GRM7: variants seen among roughly 807,000 people sequenced by gnomAD.
GRM7 encodes glutamate metabotropic receptor 7.
A neutral mutation model predicts 84.5 loss-of-function variants in GRM7; 35 were observed. The ratio of observed to expected loss-of-function variants is 0.41; its 90% confidence interval spans 0.32 to 0.55. GRM7 has a LOEUF of 0.55. Ranked by LOEUF, GRM7 falls within the 20% of genes least tolerant of loss-of-function variation. The probability of loss-of-function intolerance (pLI) is 0.19; values close to 1 mark genes in which losing one functional copy is unlikely to be tolerated. For synonymous variants in GRM7, 487 were observed against 455.1 expected (o/e 1.07, Z -0.89); for missense variants, 1,003 against 1,194.6 (o/e 0.84, Z 2.36).
chr3:7,523,981 A>G (rs1012064011), intron 7 of GRM7, among the ~76,000 whole-genome samples: 1 of 152,224 alleles, frequency 6.6e-6, no homozygotes, highest in Admixed American at 6.6e-5. Flanking sequence ...AAAAGCATCA[A>G]AAAGCCCCTC....
intron 8 of GRM7, among the ~76,000 whole-genome samples, chr3:7,613,333 G>T (rs1393081187): frequency 2.0e-5 from 3 of 152,138 alleles, no homozygotes; most frequent in African/African-American, 4.8e-5. Flanking sequence ...CAAAATTCCA[G>T]CCCTAACGTA....
Position 7,740,500 on chromosome 3 carries a change from A to C in GRM7, c.*94A>C. On this transcript the variant is annotated 3_prime_UTR_variant, in exon 10 of 10. Coordinates refer to ENST00000357716, the MANE Select transcript of GRM7 (RefSeq NM_000844.4). ...GACTCTTTGGTCCTACCCGCTTCCC[A>C]TCACCGGAGGAGCTTCCCCGGCCGG... The C allele has an allele frequency of 1.5e-6, 1 of 672,184 alleles. No homozygotes were observed. 41.6% of individuals were successfully genotyped at this position (672,184 alleles called of 1,614,324 possible).
intron 7 of GRM7, among the ~76,000 whole-genome samples, chr3:7,574,262 C>T (rs1027615439): frequency 2.0e-5 from 3 of 151,198 alleles, no homozygotes; most frequent in Non-Finnish European, 4.4e-5. Flanking sequence ...CGGGTTCAAG[C>T]AATTCTCCTG....
intron 9 of GRM7, chr3:7,682,408 A>G (rs143328886): frequency 2.4e-4 from 37 of 151,890 alleles, no homozygotes; most frequent in African/African-American, 8.9e-4. Flanking sequence ...TGCATCTATT[A>G]TACCTATACC....
At chr3:7,680,903 C>G (rs962158491) in intron 9 of GRM7, 1 of 152,204 alleles carries the variant, frequency 6.6e-6, no homozygotes, top group Admixed American at 6.6e-5. Context: ...CAAGACAAAC[C>G]TTAGGGAAGA....
intron 4 of GRM7, among the ~76,000 whole-genome samples, chr3:7,339,994 C>T (rs916404745): frequency 4.5e-4 from 68 of 151,936 alleles, no homozygotes; most frequent in African/African-American, 1.6e-3. Context: ...AATAACTTTC[C>T]TAAAAATCAT....
chr3:7,173,628 T>C (rs534881022), intron 2 of GRM7, among the ~76,000 whole-genome samples: 20 of 152,288 alleles, frequency 1.3e-4, no homozygotes, highest in Non-Finnish European at 1.8e-4. Flanking sequence ...TTGCTGTTCC[T>C]CAAATACATG....
chr3:7,376,908 C>A (rs1020197755), intron 4 of GRM7, among the ~76,000 whole-genome samples: 5 of 152,166 alleles, frequency 3.3e-5, no homozygotes, highest in Admixed American at 2.0e-4. Context: ...CCTACCAGTG[C>A]ATCTACAGTA....
intron 1 of GRM7, among the ~76,000 whole-genome samples, chr3:7,142,442 A>G (rs960499688): frequency 6.6e-6 from 1 of 152,044 alleles, no homozygotes; most frequent in Non-Finnish European, 1.5e-5. Context: ...CCTTCTTCAC[A>G]AGGCGGCAGG....
chr3:6,883,638 G>A (rs556788570), intron 1 of GRM7, among the ~76,000 whole-genome samples: 28 of 152,266 alleles, frequency 1.8e-4, no homozygotes, highest in African/African-American at 6.5e-4. Flanking sequence ...TATAAAGATG[G>A]CATTTTAGGT....
At chr3:7,298,957 C>T (rs1699906319) in intron 3 of GRM7, 132 bp downstream of exon 3, 1 of 774,212 alleles carries the variant, frequency 1.3e-6, no homozygotes, top group Non-Finnish European at 2.2e-6. Flanking sequence ...GAAGTCTGTG[C>T]TTGCCTCTAC....
chr3:7,507,158 T>C (rs1700064093), intron 7 of GRM7, among the ~76,000 whole-genome samples: 1 of 152,160 alleles, frequency 6.6e-6, no homozygotes, highest in Admixed American at 6.5e-5. Flanking sequence ...AAATTGACTC[T>C]GGTTAATTTC....
At chr3:7,065,430 C>A (rs1488009681) in intron 1 of GRM7, among the ~76,000 whole-genome samples, 1 of 151,798 alleles carries the variant, frequency 6.6e-6, no homozygotes, top group Non-Finnish European at 1.5e-5. Flanking sequence ...ATCCCAGCAC[C>A]ATTTGTTGAA....
At chr3:7,347,564 A>C (rs28667603) in intron 4 of GRM7, among the ~76,000 whole-genome samples, 20,690 of 152,146 alleles carry the variant, frequency 0.14, 1,797 homozygotes, top group African/African-American at 0.25. Flanking sequence ...AAACTCACTG[A>C]CGACCACAGT....
intron 4 of GRM7, among the ~76,000 whole-genome samples, chr3:7,378,980 A>G (rs1481652318): frequency 2.0e-5 from 3 of 152,220 alleles, no homozygotes; most frequent in Admixed American, 2.0e-4. Flanking sequence ...CCCATTATCA[A>G]ATTTCCTTGA....
chr3:7,560,598 G>T (rs1330779120), intron 7 of GRM7, among the ~76,000 whole-genome samples: 1 of 152,020 alleles, frequency 6.6e-6, no homozygotes, highest in Non-Finnish European at 1.5e-5. Context: ...ATTCAAATCT[G>T]CATTGTAACA....
At chr3:7,318,145 C>G (rs1575161139) in intron 4 of GRM7, among the ~76,000 whole-genome samples, 1 of 152,084 alleles carries the variant, frequency 6.6e-6, no homozygotes, top group Admixed American at 6.6e-5. Flanking sequence ...ACAAATTGTT[C>G]TGAAACTTGT....
intron 5 of GRM7, among the ~76,000 whole-genome samples, chr3:7,446,503 C>T (rs1345102842): frequency 6.8e-6 from 1 of 148,044 alleles, no homozygotes; most frequent in Admixed American, 6.8e-5. Flanking sequence ...TTCTGTAGCC[C>T]AGGCTGAAGT....
At chr3:6,982,970 A>G (rs149718053) in intron 1 of GRM7, among the ~76,000 whole-genome samples, 28 of 152,326 alleles carry the variant, frequency 1.8e-4, no homozygotes, top group African/African-American at 6.5e-4. Context: ...ATGAACATAG[A>G]TTTTCATTTT....
Sources: gnomAD v4.1 joint callset for allele counts (sites outside exome capture counted in the v4.1 genomes callset) on GRCh38, gnomAD v4.1.1 for gene constraint, MANE v1.5 for transcripts, NCBI Gene and HGNC (gene_info 2026-07-23, HGNC 2026-07-21) for gene names.